RNF114: variants seen among roughly 807,000 people sequenced by gnomAD.
RNF114 encodes ring finger protein 114.
Under a neutral mutation model 28.4 loss-of-function variants are expected in RNF114, and 6 were observed. The observed-to-expected ratio is 0.21, with a 90% CI of 0.12 to 0.42. The LOEUF (loss-of-function observed/expected upper bound fraction) is 0.42, where lower values mean the gene tolerates loss of function less well. RNF114 is among the 10% of genes least tolerant of loss of function. The pLI, the probability that RNF114 is intolerant of heterozygous loss-of-function variation, is 1.00. For synonymous variants in RNF114, 115 were observed against 116.7 expected, an observed-to-expected ratio of 0.99 and a Z score of 0.09; for missense variants, 249 against 311.7, an observed-to-expected ratio of 0.80 and a Z score of 1.51.
At chr20:49,949,545 C>T (rs1004204330) in intron 5 of RNF114, among the ~76,000 whole-genome samples, 190 bp downstream of exon 5, 3 of 152,174 alleles carry the variant, frequency 2.0e-5, no homozygotes, top group African/African-American at 7.2e-5. Context: ...GTGGAAGAGG[C>T]GGGCAGGCAG....
At chr20:49,936,669 G>C in intron 1 of RNF114, 117 bp downstream of exon 1, 3 of 1,331,112 alleles carry the variant, frequency 2.3e-6, no homozygotes, top group Non-Finnish European at 3.0e-6. Flanking sequence ...GGCCTCCCGG[G>C]GGTGTCCCCC....
chr20:49,936,493 C>A lies in RNF114; in HGVS notation c.81C>A (p.Phe27Leu), dbSNP rs1240779289. The stretch of plus-strand genomic sequence containing the variant: ...CGGAGGCTGACCCCCTAGGACGCTT[C>A]ACGTGTCCCGTGTGCTTAGAGGTGT... ...PAAEADPLGR[F>L]TCPVCLEVYE... The change falls in exon 1 of 6, where the codon TTC becomes TTA. Residue 27 changes from phenylalanine (F) to leucine (L), a missense_variant. Phe to Leu is a conservative substitution (Grantham distance 22). This residue lies in a region of RNF114 where 123 missense variants were observed against 106.4 expected (regional missense o/e 1.16). Transcript: ENST00000244061. 8 of 1,571,138 alleles carry A rather than the reference C, an allele frequency of 5.1e-6. No individual in the cohort carries two copies. Among genetic ancestry groups the A allele is most frequent in the Non-Finnish European group, 6.9e-6 (8 of 1,159,642 alleles).
At chr20:49,937,432 A>C (rs1347268675) in intron 1 of RNF114, among the ~76,000 whole-genome samples, 1 of 152,208 alleles carries the variant, frequency 6.6e-6, no homozygotes, top group African/African-American at 2.4e-5. Context: ...CAGCGGGCAC[A>C]GTAGCCATTG....
chr20:49,943,918 CAG>C (rs2090318720), intron 2 of RNF114: 2 of 141,020 alleles, frequency 1.4e-5, no homozygotes, highest in Admixed American at 1.4e-4. Context: ...TTAGTAGAGA[CAG>C]GGTTTCACTG....
intron 3 of RNF114, among the ~76,000 whole-genome samples, chr20:49,945,838 G>T (rs1423526928): frequency 6.6e-6 from 1 of 152,098 alleles, no homozygotes; most frequent in Non-Finnish European, 1.5e-5. Context: ...GCTAAATTTT[G>T]TATTTTTTAG....
chr20:49,936,569 G>C lies in RNF114; in HGVS notation c.140+17G>C. The stretch of plus-strand genomic sequence containing the variant: ...CGGACACGTGTAAGCGGCGAGCCCG[G>C]GCCTGGTCGGGGGGCGCTTAACTGG... On this transcript the variant is annotated intron_variant, in intron 1 of 5. Transcript: ENST00000244061. 6.3e-7 allele frequency: 1 copy of C among 1,578,322 alleles called. No homozygotes were observed. The highest frequency in any genetic ancestry group is 8.6e-7 in the Non-Finnish European group (1 of 1,164,216).
At position 49,941,151 on chromosome 20, in the gene RNF114, C is replaced by T. The variant is rs111709075; in HGVS notation, c.141-410C>T. On this transcript the variant is annotated intron_variant, in intron 1 of 5. Coordinates refer to ENST00000244061, the MANE Select transcript of RNF114 (RefSeq NM_018683.4). Reference sequence around the variant, plus strand: ...ATGATAGCAGCTCCCGTTTGTGGTGCGTTTTGTAAGGGCTGGACACTCTGC... The same window carrying T: ...ATGATAGCAGCTCCCGTTTGTGGTGTGTTTTGTAAGGGCTGGACACTCTGC... The T allele has an allele frequency of 5.7e-3, 900 of 158,368 alleles. 7 individuals are homozygous for T. The highest frequency in any genetic ancestry group is 0.02 in the African/African-American group (837 of 41,766). 9.8% of individuals were successfully genotyped at this position (158,368 alleles called of 1,614,324 possible). A position where few individuals can be genotyped will look rare whatever the true frequency, so the allele number is the denominator to read the frequency against.
chr20:49,945,536 A>C, intron 3 of RNF114, 48 bp downstream of exon 3: 1 of 786,990 alleles, frequency 1.3e-6, no homozygotes, highest in Non-Finnish European at 1.9e-6. Context: ...CTTGCTATTA[A>C]TACAAAGAGG....
rs757136468 is a variant in RNF114, at chr20:49,941,607, G to A, written c.187G>A (p.Val63Ile). Residue 63 changes from valine to isoleucine, a missense_variant, in exon 2 of 6, where the codon GTC (valine) becomes ATC (isoleucine). By Grantham distance (29) the Val-to-Ile change is conservative. This residue lies in a region of RNF114 where 123 missense variants were observed against 106.4 expected (regional missense o/e 1.16). Transcript: ENST00000244061. The part of the protein sequence containing the change: ...LQECLKPKKP[V>I]CGVCRSALAP... ...GGAATGTCTGAAGCCGAAGAAGCCT[G>A]TCTGTGGGGTGTGTCGCAGCGCTCT... 1 of 1,612,206 alleles carries A rather than the reference G, an allele frequency of 6.2e-7. No individual in the cohort carries two copies. Among genetic ancestry groups the A allele is most frequent in the Non-Finnish European group, 8.5e-7 (1 of 1,178,790 alleles).
chr20:49,946,128 C>A lies in RNF114; in HGVS notation c.399-8C>A, dbSNP rs770945468. 2 of 1,534,248 alleles carry A rather than the reference C, an allele frequency of 1.3e-6. No homozygotes were observed. The highest frequency in any genetic ancestry group is 1.8e-6 in the Non-Finnish European group (2 of 1,127,736). On this transcript the variant is annotated splice_region_variant and splice_polypyrimidine_tract_variant and intron_variant, in intron 3 of 5. Transcript: ENST00000244061. ...AAGTTTTCTTTTTTCCTGTGTTTCA[C>A]CTTCCAGGAATGTTCCAAACCGTTA... is the stretch of plus-strand genomic sequence containing the variant.
intron 4 of RNF114, among the ~76,000 whole-genome samples, chr20:49,948,713 AAGTGTGAGCCACTG>A (rs2146859375): frequency 6.6e-6 from 1 of 152,284 alleles, no homozygotes; most frequent in South Asian, 2.1e-4. Flanking sequence ...CTGGGATTAC[AAGTGTGAGCCACTG>A]TGCCCGGCCT....
intron 1 of RNF114, among the ~76,000 whole-genome samples, chr20:49,937,727 A>G (rs140591504): frequency 7.2e-5 from 11 of 151,736 alleles, no homozygotes; most frequent in Admixed American, 2.0e-4. Context: ...TTCAAGTCCC[A>G]GGTTAAGTTA....
At chr20:49,949,428 GA>G in intron 5 of RNF114, 73 bp downstream of exon 5, 1 of 1,253,968 alleles carries the variant, frequency 8.0e-7, no homozygotes, top group Non-Finnish European at 1.2e-6. Flanking sequence ...CTCAAAAGGG[GA>G]AATGGGGATC....
intron 1 of RNF114, 129 bp from the exon 2 acceptor site, chr20:49,941,432 T>A: frequency 9.7e-7 from 1 of 1,026,554 alleles, no homozygotes; most frequent in Non-Finnish European, 1.4e-6. Context: ...GACTTAGTAT[T>A]TGAACTGGGA....
chr20:49,943,879 T>TATAG (rs1408261884), intron 2 of RNF114: 1 of 140,398 alleles, frequency 7.1e-6, no homozygotes, highest in Non-Finnish European at 1.5e-5. Flanking sequence ...CAGAGATATA[T>TATAG]ATATATATAT....
chr20:49,953,530 A>G lies in RNF114; in HGVS notation c.*1389A>G, dbSNP rs2090364411. The G allele has an allele frequency of 6.6e-6, 1 of 152,186 alleles. No homozygotes were observed. Among genetic ancestry groups the G allele is most frequent in the South Asian group, 2.1e-4 (1 of 4,828 alleles). The allele number at this position is 152,186 out of a possible 1,614,324, so 9.4% of individuals were successfully genotyped here. A position where few individuals can be genotyped will look rare whatever the true frequency, so the allele number is the denominator to read the frequency against. Reference sequence around the variant, plus strand: ...CGCGCCTGCCGGTGAAGAGCTGCAGATGCCGAGAAGCCAGCAAACACAGGG... The same window carrying G: ...CGCGCCTGCCGGTGAAGAGCTGCAGGTGCCGAGAAGCCAGCAAACACAGGG... On this transcript the variant is annotated 3_prime_UTR_variant, in exon 6 of 6. Coordinates refer to ENST00000244061, the MANE Select transcript of RNF114 (RefSeq NM_018683.4).
At chr20:49,945,761 G>A (rs981724824) in intron 3 of RNF114, among the ~76,000 whole-genome samples, 3 of 152,168 alleles carry the variant, frequency 2.0e-5, no homozygotes, top group Admixed American at 6.6e-5. Flanking sequence ...TGCCTCCCGG[G>A]TTCAAGCGAT....
chr20:49,952,162 CT>C lies in RNF114; in HGVS notation c.*22del. ...AGTGAGCAGAGTCCGTGCTTGCTAT[CT>C]GTCTCATGTTACAGAGCTTCCATTA... On this transcript the variant is annotated 3_prime_UTR_variant, in exon 6 of 6. Coordinates refer to ENST00000244061, the MANE Select transcript of RNF114 (RefSeq NM_018683.4). 6.2e-7 allele frequency: 1 copy of C among 1,606,008 alleles called. No homozygotes were observed. The highest frequency in any genetic ancestry group is 8.5e-7 in the Non-Finnish European group (1 of 1,172,534).
chr20:49,946,022 C>T (rs908899925), intron 3 of RNF114, 114 bp from the exon 4 acceptor site: 19 of 571,368 alleles, frequency 3.3e-5, no homozygotes, highest in Non-Finnish European at 5.3e-5. Flanking sequence ...CATCAGCATC[C>T]TTATCATTAC....
Sources: gnomAD v4.1 joint callset for allele counts (sites outside exome capture counted in the v4.1 genomes callset) on GRCh38, gnomAD v4.1.1 for gene constraint, gnomAD v4.1.1 regional missense constraint, MANE v1.5 for transcripts, NCBI Gene and HGNC (gene_info 2026-07-23, HGNC 2026-07-21) for gene names.